RUNX1T1: variants seen among roughly 807,000 people sequenced by gnomAD.
RUNX1T1 encodes the protein protein CBFA2T1.
RUNX1T1 carries 4 observed loss-of-function variants against 62.8 expected under a neutral mutation model. The ratio of observed to expected loss-of-function variants is 0.06; its 90% CI spans 0.03 to 0.15. The LOEUF (loss-of-function observed/expected upper bound fraction) is 0.15. Ranked by LOEUF, RUNX1T1 falls within the 10% of genes least tolerant of loss-of-function variation. RUNX1T1 has a pLI of 1.00. For synonymous variants in RUNX1T1, 291 were observed against 286.0 expected (o/e 1.02, Z -0.18); for missense variants, 508 against 754.3 (o/e 0.67, Z 3.82).
chr8:92,045,004 G>A (rs1829143290), intron 1 of RUNX1T1, among the ~76,000 whole-genome samples: 1 of 150,848 alleles, frequency 6.6e-6, no homozygotes, highest in South Asian at 2.1e-4. Flanking sequence ...GCCAAGGTGG[G>A]AGGATTGCTT....
At chr8:92,005,522 C>T (rs1447274560) in intron 4 of RUNX1T1, 1 of 494,024 alleles carries the variant, frequency 2.0e-6, no homozygotes, top group Non-Finnish European at 3.5e-6. Flanking sequence ...CACTTTACCT[C>T]TCTTTTATTT....
At chr8:91,981,996 G>A (rs1815392180) in intron 8 of RUNX1T1, among the ~76,000 whole-genome samples, 1 of 151,894 alleles carries the variant, frequency 6.6e-6, no homozygotes, top group Non-Finnish European at 1.5e-5. Flanking sequence ...TGTAATCCTA[G>A]CACTTTGGGA....
At chr8:91,957,509 T>C (rs1056497212), downstream of RUNX1T1, 2 of 232,140 alleles carry the variant, frequency 8.6e-6, no homozygotes, top group Non-Finnish European at 1.7e-5. Flanking sequence ...GGATTTTTTT[T>C]TGTATTTGTT....
intron 9 of RUNX1T1, among the ~76,000 whole-genome samples, chr8:91,972,596 G>A (rs948064423): frequency 6.6e-6 from 1 of 151,984 alleles, no homozygotes; most frequent in Non-Finnish European, 1.5e-5. Flanking sequence ...TACAGCCAGG[G>A]TCTAATTTAG....
exon 3 of RUNX1T1, chr8:92,014,763 T>C (rs776528859): frequency 5.0e-6 from 8 of 1,613,584 alleles, no homozygotes; most frequent in East Asian, 4.5e-5. Flanking sequence ...GCTGAAGCCA[T>C]TGGGTGGTGA....
At chr8:91,961,434 G>A (rs777949287) in intron 10 of RUNX1T1, among the ~76,000 whole-genome samples, 2 of 152,196 alleles carry the variant, frequency 1.3e-5, no homozygotes, top group Non-Finnish European at 2.9e-5. Flanking sequence ...TCATTTGGGA[G>A]TGATGAGAAC....
exon 1 of RUNX1T1, chr8:92,062,581 T>C (rs1281513829): frequency 3.1e-6 from 5 of 1,614,022 alleles, no homozygotes; most frequent in Non-Finnish European, 4.2e-6. Flanking sequence ...ACACAGAAAG[T>C]GGCTGTCTCC....
upstream of RUNX1T1, among the ~76,000 whole-genome samples, chr8:92,067,582 T>A (rs1457335046): frequency 6.6e-6 from 1 of 152,248 alleles, no homozygotes; most frequent in East Asian, 1.9e-4. Context: ...ATCTTCAATG[T>A]CTACAGAATA....
At chr8:92,095,907 G>C (rs1837709533) in intron 1 of RUNX1T1, among the ~76,000 whole-genome samples, 1 of 152,176 alleles carries the variant, frequency 6.6e-6, no homozygotes, top group Non-Finnish European at 1.5e-5. Context: ...GGAGGATCAA[G>C]AGCTCTCTTT....
intron 4 of RUNX1T1, 42 bp downstream of exon 5, chr8:92,010,960 T>C (rs1192214545): frequency 4.4e-6 from 5 of 1,136,622 alleles, no homozygotes; most frequent in Non-Finnish European, 6.7e-6. Context: ...CTAGCAACAA[T>C]ATGGTTTAAA....
rs140039339 is a variant in RUNX1T1 at position 92,038,132 on chromosome 8, G to A, written c.8-20769C>T. 5.0e-3 allele frequency among the ~76,000 whole-genome samples: 753 copies of A among 151,910 alleles called. 7 individuals are homozygous for A. Among genetic ancestry groups the A allele is most frequent in the African/African-American group, 0.017 (718 of 41,390 alleles). ...GGCTAGAGAGCCATGGCACAATTTC[G>A]GCTCACTGCACCCTCAACCTCAACC... On this transcript the variant is annotated intron_variant, in intron 1 of 10. Coordinates refer to ENST00000396218, the Ensembl canonical transcript of RUNX1T1.
chr8:91,961,224 T>TA (rs1810382497), intron 10 of RUNX1T1, among the ~76,000 whole-genome samples: 1 of 152,350 alleles, frequency 6.6e-6, no homozygotes, highest in Non-Finnish European at 1.5e-5. Context: ...GGGTGCCTGA[T>TA]AGATAGAAGT....
At chr8:92,048,435 T>C (rs1457981511) in intron 1 of RUNX1T1, among the ~76,000 whole-genome samples, 16 of 152,012 alleles carry the variant, frequency 1.1e-4, no homozygotes, top group African/African-American at 3.9e-4. Context: ...TCTCAACACT[T>C]TGAGAACCCA....
downstream of RUNX1T1, chr8:91,958,548 A>G: frequency 5.4e-6 from 1 of 186,184 alleles, no homozygotes. Flanking sequence ...TACTTAAACG[A>G]CCTTACAGCA....
chr8:91,994,930 T>G (rs1586884326), intron 5 of RUNX1T1, among the ~76,000 whole-genome samples: 1 of 152,358 alleles, frequency 6.6e-6, no homozygotes, highest in African/African-American at 2.4e-5. Context: ...AATGCCATAG[T>G]TATGCAGATC....
At chr8:92,030,566 A>G (rs1192402270) in intron 1 of RUNX1T1, among the ~76,000 whole-genome samples, 1 of 152,224 alleles carries the variant, frequency 6.6e-6, no homozygotes, top group East Asian at 1.9e-4. Flanking sequence ...TCACTTTCTC[A>G]TATTTCAACC....
At chr8:91,972,713 G>A (rs1276072772) in intron 9 of RUNX1T1, among the ~76,000 whole-genome samples, 1 of 151,950 alleles carries the variant, frequency 6.6e-6, no homozygotes, top group Non-Finnish European at 1.5e-5. Context: ...TGCAAATCAG[G>A]CAATTTACAT....
At chr8:92,066,828 G>T (rs1404530168), upstream of RUNX1T1, among the ~76,000 whole-genome samples, 1 of 152,130 alleles carries the variant, frequency 6.6e-6, no homozygotes, top group Non-Finnish European at 1.5e-5. Flanking sequence ...GGATAGAGGG[G>T]GAAAGAAAAA....
intron 5 of RUNX1T1, chr8:92,004,513 T>G (rs1032469709): frequency 3.9e-5 from 6 of 152,190 alleles, no homozygotes; most frequent in Non-Finnish European, 8.8e-5. Context: ...AATTCTTAGT[T>G]ATGAGAGCAC....
Sources: gnomAD v4.1 joint callset for allele counts (sites outside exome capture counted in the v4.1 genomes callset) on GRCh38, gnomAD v4.1.1 for gene constraint, MANE v1.5 for transcripts, NCBI Gene and HGNC (gene_info 2026-07-23, HGNC 2026-07-21) for gene names.